Variants in ME3 observed in about 807,000 individuals in gnomAD.
ME3 encodes malic enzyme 3, also known as NADP-dependent malic enzyme, mitochondrial.
In ME3, 48 loss-of-function variants were observed where a neutral mutation model predicts 68.9. That is an observed-to-expected ratio of 0.70 (90% CI 0.55 to 0.89). The LOEUF is 0.89. ME3 is among the 40% of genes least tolerant of loss of function. ME3 has a pLI of 0.00. For synonymous variants in ME3, 320 were observed against 318.8 expected (o/e 1.00, Z -0.04); for missense variants, 675 against 797.4 (o/e 0.85, Z 1.85).
At chr11:86,561,377 T>C (rs577094487) in intron 2 of ME3, among the ~76,000 whole-genome samples, 1 of 152,274 alleles carries the variant, frequency 6.6e-6, no homozygotes, top group African/African-American at 2.4e-5. Context: ...TGGGCACTAT[T>C]TACTACTTGT....
chr11:86,574,397 C>CGGG (rs376489722), intron 2 of ME3, among the ~76,000 whole-genome samples: 9 of 58,060 alleles, frequency 1.6e-4, no homozygotes, highest in Admixed American at 2.4e-4. Flanking sequence ...TATTTGTTGC[C>CGGG]GGGGGGGGGG....
chr11:86,466,089 G>A (rs958340899), intron 7 of ME3, among the ~76,000 whole-genome samples: 1 of 152,108 alleles, frequency 6.6e-6, no homozygotes, highest in Non-Finnish European at 1.5e-5. Flanking sequence ...GAGTTTGTTC[G>A]AGTTTTGTAA....
intron 2 of ME3, among the ~76,000 whole-genome samples, chr11:86,564,322 C>G (rs1393081046): frequency 1.3e-5 from 2 of 152,004 alleles, no homozygotes. Context: ...GTAATGCAAT[C>G]ACTATCAAAA....
rs533433925 is a variant in ME3 at position 86,543,875 on chromosome 11, C to T, written c.467+12678G>A. Among the ~76,000 whole-genome samples the T allele has an allele frequency of 6.3e-3, 953 of 152,234 alleles. 3 individuals are homozygous for T. Among genetic ancestry groups the T allele is most frequent in the South Asian group, 0.021 (102 of 4,810 alleles). On this transcript the variant is annotated intron_variant, in intron 4 of 14. Coordinates refer to ENST00000543262, the Ensembl canonical transcript of ME3. ...ACATTCTTCTCAGCACCACATCACA[C>T]TTATTCTAAAATCAACCACATAATT...
intron 4 of ME3, among the ~76,000 whole-genome samples, chr11:86,552,931 G>A (rs1196296400): frequency 1.3e-5 from 2 of 152,236 alleles, no homozygotes; most frequent in East Asian, 3.9e-4. Context: ...CCTGGGAGAG[G>A]GAGAGTATTC....
intron 6 of ME3, among the ~76,000 whole-genome samples, chr11:86,494,387 G>T (rs1392728307): frequency 6.6e-6 from 1 of 152,158 alleles, no homozygotes; most frequent in Non-Finnish European, 1.5e-5. Context: ...CAGACAGCTG[G>T]GTTCCAATCC....
chr11:86,561,551 T>C (rs1177230317), intron 2 of ME3, among the ~76,000 whole-genome samples: 7 of 152,226 alleles, frequency 4.6e-5, no homozygotes, highest in Non-Finnish European at 7.4e-5. Flanking sequence ...CCAATGTGAA[T>C]TCATTACCAC....
intron 2 of ME3, among the ~76,000 whole-genome samples, chr11:86,583,717 T>C (rs897432804): frequency 2.0e-5 from 3 of 152,140 alleles, no homozygotes; most frequent in African/African-American, 7.2e-5. Context: ...AAATGAGATA[T>C]GACAGATAAA....
intron 3 of ME3, among the ~76,000 whole-genome samples, chr11:86,559,221 C>T (rs965829015): frequency 1.3e-5 from 2 of 152,134 alleles, no homozygotes; most frequent in African/African-American, 4.8e-5. Context: ...CTAGGTCCAT[C>T]CTAAGGTGTC....
intron 7 of ME3, among the ~76,000 whole-genome samples, chr11:86,485,931 G>T (rs1951663782): frequency 1.3e-5 from 2 of 152,274 alleles, no homozygotes; most frequent in South Asian, 2.1e-4. Flanking sequence ...CCAGAGAGCT[G>T]CCCAGTGATC....
intron 6 of ME3, among the ~76,000 whole-genome samples, chr11:86,494,734 G>C (rs1021358600): frequency 4.6e-5 from 7 of 151,822 alleles, no homozygotes; most frequent in Non-Finnish European, 7.3e-5. Context: ...TTAGGTGACA[G>C]TGTTGAAACA....
Position 86,537,852 on chromosome 11 carries a change from A to G in ME3, c.467+18701T>C, listed in dbSNP as rs139817513. Among the ~76,000 whole-genome samples, 483 of 152,260 alleles carry G rather than the reference A, an allele frequency of 3.2e-3. 5 individuals carry two copies. Among genetic ancestry groups the G allele is most frequent in the African/African-American group, 0.011 (470 of 41,538 alleles). On this transcript the variant is annotated intron_variant, in intron 4 of 14. Coordinates refer to ENST00000543262, the Ensembl canonical transcript of ME3. ...GAGGTTTCAAAATGTGGAGGCCATT[A>G]AACATCCTGACACCTACTTAAGGGG...
At chr11:86,653,912 A>G (rs1247910432) in intron 2 of ME3, among the ~76,000 whole-genome samples, 6 of 152,230 alleles carry the variant, frequency 3.9e-5, no homozygotes, top group Admixed American at 6.5e-5. Flanking sequence ...GATAAAGGGT[A>G]TATCACCACC....
chr11:86,668,851 C>G (rs591060), intron 2 of ME3, among the ~76,000 whole-genome samples: 28,524 of 152,154 alleles, frequency 0.19, 2,746 homozygotes, highest in South Asian at 0.23. Flanking sequence ...ATCTTTCAGG[C>G]ACTACCCCAT....
intron 2 of ME3, among the ~76,000 whole-genome samples, chr11:86,567,901 G>A (rs561183133): frequency 7.2e-5 from 11 of 152,242 alleles, no homozygotes; most frequent in Admixed American, 3.3e-4. Context: ...TTTGCTAATC[G>A]GCACTCAGAT....
intron 8 of ME3, among the ~76,000 whole-genome samples, chr11:86,451,860 C>T (rs770883314): frequency 1.3e-5 from 2 of 152,226 alleles, no homozygotes; most frequent in Non-Finnish European, 2.9e-5. Context: ...CAGCAATATG[C>T]TCATGCCTAT....
At chr11:86,653,271 C>A (rs970845632) in intron 2 of ME3, among the ~76,000 whole-genome samples, 2 of 152,170 alleles carry the variant, frequency 1.3e-5, no homozygotes, top group African/African-American at 4.8e-5. Context: ...GAACTCTCCA[C>A]CCCAAATCAA....
chr11:86,456,317 C>T (rs1046519444), intron 8 of ME3, among the ~76,000 whole-genome samples: 4 of 152,116 alleles, frequency 2.6e-5, no homozygotes, highest in African/African-American at 9.7e-5. Context: ...GAGATGATCC[C>T]GCAGACACTA....
intron 4 of ME3, among the ~76,000 whole-genome samples, chr11:86,538,333 C>T (rs1036929952): frequency 1.3e-5 from 2 of 152,118 alleles, no homozygotes; most frequent in African/African-American, 2.4e-5. Context: ...TCCTCTGAAC[C>T]GCTTGTCTAA....
Sources: allele counts gnomAD v4.1 joint callset (sites outside exome capture counted in the v4.1 genomes callset), GRCh38; gene constraint gnomAD v4.1.1; transcripts MANE v1.5; gene names NCBI Gene and HGNC (gene_info 2026-07-23, HGNC 2026-07-21).